Variants in TST observed in about 807,000 individuals in gnomAD.
The protein encoded by TST is thiosulfate sulfurtransferase, also known as epididymis secretory sperm binding protein.
TST carries 22 observed loss-of-function variants against 20.4 expected under a neutral mutation model. That is an observed-to-expected ratio of 1.08 (90% confidence interval 0.77 to 1.54). The LOEUF is 1.54. TST is among the 40% of genes most tolerant of loss of function. The pLI is 0.00. For synonymous variants in TST, 187 were observed against 173.8 expected (o/e 1.08, Z -0.60); for missense variants, 392 against 405.2 (o/e 0.97, Z 0.28).
At chr22:37,013,118 C>G (rs1922542478) in intron 2 of TST, 1 of 152,164 alleles carries the variant, frequency 6.6e-6, no homozygotes, top group South Asian at 2.1e-4. Context: ...TAAAAGCACC[C>G]AGTGACCCTG....
chr22:37,013,601 T>C (rs1454640791), intron 2 of TST, among the ~76,000 whole-genome samples: 2 of 151,992 alleles, frequency 1.3e-5, no homozygotes, highest in Non-Finnish European at 2.9e-5. Context: ...CTCAAAAATA[T>C]AATAATAATG....
At chr22:37,020,026 T>A, upstream of TST, 1 of 323,940 alleles carries the variant, frequency 3.1e-6, no homozygotes, top group Non-Finnish European at 5.4e-6. Flanking sequence ...TAAGGGTGAC[T>A]GTCCGCTTGG....
upstream of TST, chr22:37,019,945 G>A: frequency 6.6e-6 from 5 of 757,552 alleles, no homozygotes; most frequent in Non-Finnish European, 9.0e-6. Context: ...CTCGGCGCGG[G>A]GCTCCCGCGC....
At chr22:37,015,513 C>T (rs534258700) in intron 2 of TST, among the ~76,000 whole-genome samples, 41 of 152,372 alleles carry the variant, frequency 2.7e-4, no homozygotes, top group Non-Finnish European at 5.4e-4. Flanking sequence ...TGGATGGAAC[C>T]TCAGATCTGG....
chr22:37,018,570 C>T lies in TST; in HGVS notation c.163G>A (p.Gly55Ser), dbSNP rs748284990. The change falls in exon 2 of 3, where the codon GGC becomes AGC. Residue 55 changes from glycine to serine, a missense_variant. Gly to Ser is a moderately conservative substitution (Grantham distance 56). Coordinates refer to ENST00000249042, the MANE Select transcript of TST (RefSeq NM_003312.6). Reference sequence around the variant, plus strand: ...TCTTCTATGTCAAAGAAAGAGGCGCCGGGTACGTGGCGCTCGAGGTACTCC... The same window carrying T: ...TCTTCTATGTCAAAGAAAGAGGCGCTGGGTACGTGGCGCTCGAGGTACTCC... The part of the protein sequence containing the change: ...RKEYLERHVP[G>S]ASFFDIEECR... 23 of 1,564,080 alleles carry T rather than the reference C, an allele frequency of 1.5e-5. No individual in the cohort carries two copies. The East Asian group carries it at 4.8e-4, about 32-fold the overall frequency.
chr22:37,017,790 C>G (rs1383067844), intron 2 of TST, among the ~76,000 whole-genome samples: 1 of 152,128 alleles, frequency 6.6e-6, no homozygotes, highest in African/African-American at 2.4e-5. Flanking sequence ...GCAATGCAAA[C>G]GCTGGCTCAG....
chr22:37,012,282 G>A (rs192858270), intron 2 of TST, among the ~76,000 whole-genome samples: 15 of 152,290 alleles, frequency 9.8e-5, no homozygotes, highest in Non-Finnish European at 1.6e-4. Context: ...GGAGGGACTC[G>A]GCTGGCTCTA....
At chr22:37,017,969 A>T (rs781032100) in intron 2 of TST, among the ~76,000 whole-genome samples, 169 bp downstream of exon 2, 1 of 152,132 alleles carries the variant, frequency 6.6e-6, no homozygotes, top group Non-Finnish European at 1.5e-5. Context: ...AAGCTGAAAA[A>T]GCCTTTAGGT....
chr22:37,015,272 T>C (rs904717611), intron 2 of TST, among the ~76,000 whole-genome samples: 10 of 152,208 alleles, frequency 6.6e-5, no homozygotes, highest in African/African-American at 2.4e-4. Flanking sequence ...AAAAGCGTTC[T>C]GTAAATAAAA....
At chr22:37,015,961 T>TTTTTTGG (rs1922664263) in intron 2 of TST, among the ~76,000 whole-genome samples, 1 of 131,394 alleles carries the variant, frequency 7.6e-6, no homozygotes. Flanking sequence ...TTTTTTTTTT[T>TTTTTTGG]GAGACAGAGT....
chr22:37,018,155 G>C lies in TST; in HGVS notation c.578C>G (p.Pro193Arg). The change falls in exon 2 of 3, where the codon CCG (proline) becomes CGG (arginine). Residue 193 changes from proline (P) to arginine (R), a missense_variant. By Grantham distance (103) the Pro-to-Arg change is moderately radical. Transcript: ENST00000249042. ...RSQGRFLGTE[P>R]EPDAVGLDSG... ...ACACCTACCTACTGCATCCGGCTCC[G>C]GCTCGGTGCCCAGGAACCGCCCTTG... 1.3e-6 allele frequency: 2 copies of C among 1,559,550 alleles called. No homozygotes were observed. The highest frequency in any genetic ancestry group is 1.7e-6 in the Non-Finnish European group (2 of 1,150,710).
chr22:37,018,865 C>T (rs1922827516), intron 1 of TST, 112 bp from the exon 2 acceptor site: 1 of 763,768 alleles, frequency 1.3e-6, no homozygotes, highest in Admixed American at 3.6e-5. Flanking sequence ...CCCCCGGGTT[C>T]CTTGTTTACA....
chr22:37,012,844 C>T (rs955293103), intron 2 of TST, among the ~76,000 whole-genome samples: 2 of 152,068 alleles, frequency 1.3e-5, no homozygotes, highest in African/African-American at 4.8e-5. Flanking sequence ...AGTTCAAGAC[C>T]AGCCTGGTCA....
chr22:37,018,002 T>C (rs1922749744), intron 2 of TST, 136 bp downstream of exon 2: 1 of 655,714 alleles, frequency 1.5e-6, no homozygotes, highest in Non-Finnish European at 2.4e-6. Context: ...TCTGGTTTTA[T>C]CGATGGAAAG....
At chr22:37,012,451 T>G (rs938448087) in intron 2 of TST, among the ~76,000 whole-genome samples, 20 of 152,330 alleles carry the variant, frequency 1.3e-4, no homozygotes, top group African/African-American at 4.6e-4. Context: ...CCCAGGCCAC[T>G]CCTGTCTTCC....
In TST at chr22:37,011,132, G is replaced by C. The variant is rs753103516; in HGVS notation, c.789C>G (p.Leu263=). 6 of 1,613,772 alleles carry C rather than the reference G, an allele frequency of 3.7e-6. No individual in the cohort carries two copies. Among genetic ancestry groups the C allele is most frequent in the Non-Finnish European group, 5.1e-6 (6 of 1,180,038 alleles). ...ACACGGCCACATCAGGCTTGCCGCA[G>C]AGGTAGGCAGCCAAGGCCACGTGGC... is the stretch of plus-strand genomic sequence containing the variant. ...TACHVALAAY[L]CGKPDVAVYD... is the part of the protein sequence containing the mutation. The change falls in exon 3 of 3, where the codon CTC becomes CTG. Residue 263 remains leucine, a synonymous_variant. Transcript: ENST00000249042.
intron 2 of TST, among the ~76,000 whole-genome samples, chr22:37,014,212 C>CA (rs1413021567): frequency 1.6e-4 from 24 of 151,886 alleles, no homozygotes; most frequent in African/African-American, 4.1e-4. Flanking sequence ...AACACACATA[C>CA]AAAAAAAATC....
chr22:37,012,327 G>A (rs1346771985), intron 2 of TST, among the ~76,000 whole-genome samples: 1 of 152,202 alleles, frequency 6.6e-6, no homozygotes, highest in South Asian at 2.1e-4. Context: ...TACCCAGTGA[G>A]GGCCCTCGGC....
At chr22:37,013,978 G>A (rs776581706) in intron 2 of TST, among the ~76,000 whole-genome samples, 1 of 152,198 alleles carries the variant, frequency 6.6e-6, no homozygotes, top group Non-Finnish European at 1.5e-5. Flanking sequence ...CCAGCTGGAC[G>A]GGGTGAAGCA....
Sources: gnomAD v4.1 joint callset for allele counts (sites outside exome capture counted in the v4.1 genomes callset) on GRCh38, gnomAD v4.1.1 for gene constraint, MANE v1.5 for transcripts, NCBI Gene and HGNC (gene_info 2026-07-23, HGNC 2026-07-21) for gene names.